Variants in TSHZ3 observed in about 807,000 individuals in gnomAD.
The protein encoded by TSHZ3 is teashirt homolog 3.
Under a neutral mutation model 64.5 loss-of-function variants are expected in TSHZ3, and 10 were observed. That is an observed-to-expected ratio of 0.16 (90% CI 0.10 to 0.26). TSHZ3 has a LOEUF of 0.26. TSHZ3 is among the 10% of genes least tolerant of loss of function. The pLI is 1.00. For synonymous variants in TSHZ3, 608 were observed against 593.1 expected (o/e 1.03, Z -0.36); for missense variants, 1,242 against 1,421.7 (o/e 0.87, Z 2.03).
Position 31,278,155 on chromosome 19 carries a change from GC to G in TSHZ3, c.1637del (p.Gly546AlafsTer14). On this transcript the variant is annotated frameshift_variant, in exon 2 of 2. Coordinates refer to ENST00000240587, the MANE Select transcript of TSHZ3 (RefSeq NM_020856.4). LOFTEE classifies it high-confidence loss of function. This position sits in a 1 kb window ranked among gnomAD's most constrained non-coding sequence, Gnocchi z 4.7. Reference sequence around the variant, plus strand: ...GGTAGGCGGCATGGATGCTGGGATAGCCCCCCCAGCTAGGAGTGCCGTTCTG... The same window carrying G: ...GGTAGGCGGCATGGATGCTGGGATAGCCCCCCAGCTAGGAGTGCCGTTCTG... ...KAQNGTPSWG[G>X]YPSIHAAYQL... is the part of the protein sequence containing the mutation. The G allele has an allele frequency of 6.2e-7, 1 of 1,614,038 alleles. No individual in the cohort carries two copies. Among genetic ancestry groups the G allele is most frequent in the Non-Finnish European group, 8.5e-7 (1 of 1,179,992 alleles).
At chr19:31,308,823 C>T (rs118081490) in intron 1 of TSHZ3, 4,817 of 395,806 alleles carry the variant, frequency 0.012, 46 homozygotes, top group Non-Finnish European at 0.017. Context: ...TACAGATGGG[C>T]TTCATTTGAA....
chr19:31,259,105 T>C (rs1339682971), intron 1 of TSHZ3, among the ~76,000 whole-genome samples: 1 of 152,226 alleles, frequency 6.6e-6, no homozygotes, highest in Non-Finnish European at 1.5e-5. Context: ...GCGAAAATGA[T>C]GTTCTTATTT....
intron 5 of TSHZ3, among the ~76,000 whole-genome samples, chr19:31,191,423 A>G (rs1214238476): frequency 7.2e-5 from 11 of 152,234 alleles, no homozygotes; most frequent in Non-Finnish European, 1.6e-4. Flanking sequence ...AAGTCAACCT[A>G]GAATCCTATG....
intron 1 of TSHZ3, among the ~76,000 whole-genome samples, chr19:31,338,099 G>T (rs547149189): frequency 8.1e-6 from 1 of 124,090 alleles, no homozygotes; most frequent in East Asian, 2.4e-4. Context: ...CAGCAGGAAG[G>T]CCTAGAGTTT....
At chr19:31,162,075 C>T (rs370661778) in intron 5 of TSHZ3, among the ~76,000 whole-genome samples, 1 of 152,134 alleles carries the variant, frequency 6.6e-6, no homozygotes, top group South Asian at 2.1e-4. Context: ...TGGCTGTGCT[C>T]ATGCATAATT....
chr19:31,228,956 G>A (rs1266044203), intron 3 of TSHZ3, among the ~76,000 whole-genome samples: 1 of 152,102 alleles, frequency 6.6e-6, no homozygotes, highest in Admixed American at 6.5e-5. Flanking sequence ...CAGACCTGTG[G>A]GTTCCAAATT....
chr19:31,281,919 T>TC (rs1976367767), intron 1 of TSHZ3, among the ~76,000 whole-genome samples: 1 of 152,170 alleles, frequency 6.6e-6, no homozygotes, highest in Non-Finnish European at 1.5e-5. Flanking sequence ...TGTCCTGGTT[T>TC]CAGCACTGAA....
chr19:31,228,825 T>C (rs562961737), intron 3 of TSHZ3, among the ~76,000 whole-genome samples: 3 of 152,172 alleles, frequency 2.0e-5, no homozygotes, highest in Non-Finnish European at 1.5e-5. Context: ...TTGTAGACCC[T>C]GGTATTTGAA....
intron 1 of TSHZ3, among the ~76,000 whole-genome samples, chr19:31,348,484 G>A (rs201465671): frequency 7.7e-4 from 113 of 145,830 alleles, no homozygotes; most frequent in Admixed American, 1.0e-3. Flanking sequence ...AAAAAAAAAA[G>A]GAGGAACAAA....
chr19:31,154,715 A>G (rs1394216372), intron 6 of TSHZ3, among the ~76,000 whole-genome samples: 2 of 152,328 alleles, frequency 1.3e-5, no homozygotes, highest in East Asian at 3.9e-4. Flanking sequence ...GAACTTCCCG[A>G]GGTTCCATCC....
At chr19:31,309,067 C>T (rs931907778) in intron 1 of TSHZ3, among the ~76,000 whole-genome samples, 1 of 152,372 alleles carries the variant, frequency 6.6e-6, no homozygotes, top group South Asian at 2.1e-4. Context: ...TGCCCAGCTG[C>T]CTCTGCAACA....
intron 1 of TSHZ3, among the ~76,000 whole-genome samples, chr19:31,292,580 T>C (rs571322266): frequency 6.6e-6 from 1 of 152,218 alleles, no homozygotes; most frequent in South Asian, 2.1e-4. Context: ...GGAGTTAAGA[T>C]TTACATGGAA....
At chr19:31,324,212 A>G (rs1207231276) in intron 1 of TSHZ3, among the ~76,000 whole-genome samples, 1 of 152,166 alleles carries the variant, frequency 6.6e-6, no homozygotes, top group Non-Finnish European at 1.5e-5. Context: ...TATTATTATC[A>G]TTATGATTTT....
At chr19:31,328,434 G>T (rs1916987444) in intron 1 of TSHZ3, among the ~76,000 whole-genome samples, 1 of 152,362 alleles carries the variant, frequency 6.6e-6, no homozygotes, top group East Asian at 1.9e-4. Context: ...GCTGACAAAT[G>T]GCAGCAGGAC....
chr19:31,284,249 G>A (rs372381873), intron 1 of TSHZ3, among the ~76,000 whole-genome samples: 10 of 151,928 alleles, frequency 6.6e-5, no homozygotes, highest in African/African-American at 2.4e-4. Context: ...AACAGCCTTT[G>A]TTAACAGGAT....
chr19:31,299,589 G>A lies in TSHZ3; in HGVS notation c.41-19837C>T, dbSNP rs4805670. 4.6e-3 allele frequency among the ~76,000 whole-genome samples: 707 copies of A among 152,262 alleles called. 18 individuals carry two copies. Among genetic ancestry groups the A allele is most frequent in the Admixed American group, 0.041 (627 of 15,296 alleles). On this transcript the variant is annotated intron_variant, in intron 1 of 1. Transcript: ENST00000240587. Reference sequence around the variant, plus strand: ...CATGAACACCCTGTGACAAGGTTATGGGGTGCAGGGGAGAAGTCGGGCCCT... The same window carrying A: ...CATGAACACCCTGTGACAAGGTTATAGGGTGCAGGGGAGAAGTCGGGCCCT...
upstream of TSHZ3, among the ~76,000 whole-genome samples, chr19:31,350,184 G>T (rs935755945): frequency 7.3e-5 from 11 of 150,436 alleles, no homozygotes; most frequent in East Asian, 2.3e-3. Context: ...GGAAGCCAGA[G>T]CCCACGGGCA....
intron 1 of TSHZ3, among the ~76,000 whole-genome samples, chr19:31,325,927 GCCA>G (rs754926791): frequency 1.4e-4 from 22 of 152,252 alleles, no homozygotes; most frequent in Non-Finnish European, 2.8e-4. Context: ...ACATAGATTT[GCCA>G]CCATTTTATT....
At chr19:31,338,961 G>A (rs1917344080) in intron 1 of TSHZ3, among the ~76,000 whole-genome samples, 1 of 151,852 alleles carries the variant, frequency 6.6e-6, no homozygotes, top group Non-Finnish European at 1.5e-5. Context: ...CCCCTACCCT[G>A]CCCCAGCTTG....
Sources: gnomAD v4.1 joint callset for allele counts (sites outside exome capture counted in the v4.1 genomes callset) on GRCh38, gnomAD v4.1.1 for gene constraint, Gnocchi (gnomAD v3.1) non-coding constraint, MANE v1.5 for transcripts, NCBI Gene and HGNC (gene_info 2026-07-23, HGNC 2026-07-21) for gene names.